The following EIF2AK3 variants were observed in gnomAD, a reference collection of about 807,000 sequenced individuals.
EIF2AK3 encodes eukaryotic translation initiation factor 2-alpha kinase 3.
EIF2AK3 carries 50 observed loss-of-function variants against 113.5 expected under a neutral mutation model. The ratio of observed to expected loss-of-function variants is 0.44; its 90% CI spans 0.35 to 0.56. The LOEUF (loss-of-function observed/expected upper bound fraction) is 0.56, where lower values mean the gene tolerates loss of function less well. EIF2AK3 is among the 20% of genes least tolerant of loss of function. The pLI, the probability that EIF2AK3 is intolerant of heterozygous loss-of-function variation, is 0.00. For missense variants in EIF2AK3, 1,185 were observed against 1,378.0 expected (o/e 0.86, Z 2.22); for synonymous variants, 448 against 495.4 (o/e 0.90, Z 1.27).
chr2:88,601,862 C>CT (rs1675160237), intron 2 of EIF2AK3, among the ~76,000 whole-genome samples: 1 of 45,850 alleles, frequency 2.2e-5, no homozygotes, highest in Non-Finnish European at 4.5e-5. Flanking sequence ...TTTTGCTTTT[C>CT]TTTTTTTGAG....
rs1182739831 is a variant in EIF2AK3, at chr2:88,627,219, A to G, written c.56T>C (p.Leu19Pro). The change falls in exon 1 of 17, where the codon CTG becomes CCG. Residue 19 changes from leucine to proline, a missense_variant. Transcript: ENST00000303236. ...LLVRALLLLL[L>P]LLGLAARTVA... ...CGTCCTTGCCGCGAGCCCCAGCAGCAGCAGCAGCAGCAGCAGCGCCCGTAC... is the reference window on the plus strand; with the variant it reads ...CGTCCTTGCCGCGAGCCCCAGCAGCGGCAGCAGCAGCAGCAGCGCCCGTAC... 4 of 1,429,986 alleles carry G rather than the reference A, an allele frequency of 2.8e-6. No individual in the cohort carries two copies. Among genetic ancestry groups the G allele is most frequent in the Non-Finnish European group, 2.8e-6 (3 of 1,082,188 alleles). The allele number at this position is 1,429,986 out of a possible 1,614,324, so 88.6% of individuals were successfully genotyped here. A position where few individuals can be genotyped will look rare whatever the true frequency, so the allele number is the denominator to read the frequency against.
Position 88,588,918 on chromosome 2 carries a change from A to G in EIF2AK3, c.1166-17T>C, listed in dbSNP as rs774750909. On this transcript the variant is annotated splice_polypyrimidine_tract_variant and intron_variant, in intron 6 of 16. Transcript: ENST00000303236. The stretch of plus-strand genomic sequence containing the variant: ...TATACATTCCTGAATCAACCAGAAC[A>G]TTGTCAATTATGCATTGATTTTTTT... 7.4e-6 allele frequency: 12 copies of G among 1,612,260 alleles called. No individual in the cohort carries two copies. The South Asian group carries it at 1.1e-4, about 15-fold the overall frequency.
At chr2:88,573,335 CAGA>C (rs904475686) in intron 13 of EIF2AK3, among the ~76,000 whole-genome samples, 18 of 152,188 alleles carry the variant, frequency 1.2e-4, no homozygotes, top group Middle Eastern at 3.4e-3. Flanking sequence ...ATAAAATTAG[CAGA>C]AGAATATTCA....
intron 2 of EIF2AK3, among the ~76,000 whole-genome samples, chr2:88,609,319 T>C (rs145401420): frequency 9.2e-5 from 14 of 152,362 alleles, no homozygotes; most frequent in African/African-American, 3.1e-4. Context: ...CAAGGTGTGA[T>C]TTGCCTTTTC....
intron 8 of EIF2AK3, among the ~76,000 whole-genome samples, chr2:88,587,288 TATA>T (rs1674762025): frequency 6.6e-6 from 1 of 150,832 alleles, no homozygotes; most frequent in Non-Finnish European, 1.5e-5. Flanking sequence ...ATTTAATTTA[TATA>T]ATAACTTTCC....
In EIF2AK3 at chr2:88,578,460, A is replaced by G. The variant is rs561614311; in HGVS notation, c.1886+1058T>C. The stretch of plus-strand genomic sequence containing the variant: ...CACTTTGGGAGGCCAAAGCAGGTGG[A>G]TCACCTGAGGTCAGGAGTTTGAGAC... On this transcript the variant is annotated intron_variant, in intron 11 of 16. Transcript: ENST00000303236. Among the ~76,000 whole-genome samples, 4 of 152,264 alleles carry G rather than the reference A, an allele frequency of 2.6e-5. No individual in the cohort carries two copies. In the South Asian group the frequency reaches 8.3e-4, roughly 32 times the overall value.
intron 1 of EIF2AK3, among the ~76,000 whole-genome samples, chr2:88,614,450 C>T (rs1354138699): frequency 6.6e-6 from 1 of 152,188 alleles, no homozygotes; most frequent in Non-Finnish European, 1.5e-5. Context: ...AGGATTTCAG[C>T]TGCTGGTTTA....
intron 14 of EIF2AK3, 57 bp from the exon 15 acceptor site, chr2:88,562,447 T>A (rs1479188931): frequency 7.2e-7 from 1 of 1,387,888 alleles, no homozygotes; most frequent in African/African-American, 1.4e-5. Flanking sequence ...ACAGTTGATA[T>A]TACAGCATTA....
chr2:88,590,328 AGAT>A (rs1674850368), intron 6 of EIF2AK3, 112 bp downstream of exon 6: 1 of 1,015,694 alleles, frequency 9.8e-7, no homozygotes, highest in African/African-American at 1.6e-5. Context: ...CGTACATCAG[AGAT>A]GATATTAGGA....
At chr2:88,609,389 C>T (rs1004832282) in intron 2 of EIF2AK3, among the ~76,000 whole-genome samples, 1 of 152,194 alleles carries the variant, frequency 6.6e-6, no homozygotes, top group African/African-American at 2.4e-5. Flanking sequence ...CTGCCGGTGC[C>T]TTGGCACAAT....
At chr2:88,566,910 T>C (rs965819425) in intron 14 of EIF2AK3, among the ~76,000 whole-genome samples, 1 of 152,114 alleles carries the variant, frequency 6.6e-6, no homozygotes, top group Non-Finnish European at 1.5e-5. Flanking sequence ...ATCACATGAC[T>C]ATACTCCAGC....
chr2:88,590,824 C>G lies in EIF2AK3; in HGVS notation c.996G>C (p.Glu332Asp), dbSNP rs1157996080. ...CCTCAGTGGTGTTAGGTACCTGGTA[C>G]TCCCATTCCAGATGTCCTCCCTTCT... ...FSKKGGHLEWEYQFCTPIASA... is the reference protein window; with the variant it reads ...FSKKGGHLEWDYQFCTPIASA... The change falls in exon 5 of 17, where the codon GAG (glutamate) becomes GAC (aspartate). Residue 332 changes from glutamate (E) to aspartate (D), a missense_variant. This residue lies in a region of EIF2AK3 where 877 missense variants were observed against 1,024.2 expected (regional missense o/e 0.86). Transcript: ENST00000303236. 1 of 1,613,892 alleles carries G rather than the reference C, an allele frequency of 6.2e-7. No homozygotes were observed. The highest frequency in any genetic ancestry group is 1.1e-5 in the South Asian group (1 of 91,084).
chr2:88,558,073 C>T, intron 16 of EIF2AK3, 137 bp from the exon 17 acceptor site: 1 of 804,116 alleles, frequency 1.2e-6, no homozygotes, highest in Non-Finnish European at 2.0e-6. Flanking sequence ...GTCTCTGATA[C>T]AACTACTCAG....
At chr2:88,583,713 G>GT in intron 9 of EIF2AK3, among the ~76,000 whole-genome samples, 171 bp from the exon 10 acceptor site, 1 of 152,128 alleles carries the variant, frequency 6.6e-6, no homozygotes, top group Admixed American at 6.5e-5. Flanking sequence ...AAGAAAAAAA[G>GT]TTTATCTTCC....
chr2:88,590,909 G>A lies in EIF2AK3; in HGVS notation c.911C>T (p.Ala304Val), dbSNP rs1473338839. The change falls in exon 5 of 17, where the codon GCC becomes GTC. Residue 304 changes from alanine to valine, a missense_variant. Physicochemically the swap from Ala to Val is moderately conservative, Grantham distance 64. This residue lies in a region of EIF2AK3 where 877 missense variants were observed against 1,024.2 expected (regional missense o/e 0.86). Transcript: ENST00000303236. ...IISDVEEQEA[A>V]IMDIVIKVSV... ...AACCTTTATCACTATGTCCATTATG[G>A]CAGCTTCCTGTTCTTCCACATCTGA... 6.2e-7 allele frequency: 1 copy of A among 1,614,058 alleles called. No individual in the cohort carries two copies. Among genetic ancestry groups the A allele is most frequent in the Admixed American group, 1.7e-5 (1 of 60,024 alleles).
intron 2 of EIF2AK3, among the ~76,000 whole-genome samples, chr2:88,608,267 A>G (rs1017191866): frequency 3.9e-5 from 6 of 152,126 alleles, no homozygotes; most frequent in African/African-American, 1.2e-4. Flanking sequence ...GGGTTGTGCT[A>G]TGTGGCCCAG....
chr2:88,586,920 A>AT (rs1182372527), intron 8 of EIF2AK3, among the ~76,000 whole-genome samples: 4 of 150,888 alleles, frequency 2.7e-5, no homozygotes, highest in Admixed American at 2.0e-4. Context: ...ATATCAAGAT[A>AT]AAGGAGCCGG....
intron 14 of EIF2AK3, among the ~76,000 whole-genome samples, chr2:88,566,710 G>A (rs1674139192): frequency 1.3e-5 from 2 of 152,222 alleles, no homozygotes; most frequent in South Asian, 4.2e-4. Flanking sequence ...CACTTTGGGA[G>A]GCCAAGGCGG....
chr2:88,598,944 G>A (rs1034510179), intron 2 of EIF2AK3, among the ~76,000 whole-genome samples: 10 of 152,022 alleles, frequency 6.6e-5, no homozygotes, highest in Admixed American at 6.5e-5. Context: ...AAGAGTGAGA[G>A]TGGGCAAGAG....
Sources: allele counts gnomAD v4.1 joint callset (sites outside exome capture counted in the v4.1 genomes callset), GRCh38; gene constraint gnomAD v4.1.1; regional missense constraint gnomAD v4.1.1; transcripts MANE v1.5; gene names NCBI Gene and HGNC (gene_info 2026-07-23, HGNC 2026-07-21).